Variants in PDE4D observed in about 807,000 individuals in gnomAD.
The protein encoded by PDE4D is 3',5'-cyclic-AMP phosphodiesterase 4D.
A neutral mutation model predicts 87.4 loss-of-function variants in PDE4D; 24 were observed. The ratio of observed to expected loss-of-function variants is 0.27; its 90% CI spans 0.20 to 0.39. PDE4D has a LOEUF of 0.39. Among genes scored for constraint, PDE4D ranks in the 10% least tolerant of loss-of-function variants. The pLI is 1.00. For synonymous variants in PDE4D, 384 were observed against 383.2 expected (o/e 1.00, Z -0.02); for missense variants, 714 against 1,041.0 (o/e 0.69, Z 4.32).
Position 58,989,900 on chromosome 5 carries a change from G to A in PDE4D, c.1307C>T (p.Thr436Ile). 1 of 1,534,718 alleles carries A rather than the reference G, an allele frequency of 6.5e-7. No individual in the cohort carries two copies. Among genetic ancestry groups the A allele is most frequent in the Non-Finnish European group, 8.9e-7 (1 of 1,117,602 alleles). Reference protein sequence around the residue: ...TIFQERDLLKTFKIPVDTLIT... With the variant: ...TIFQERDLLKIFKIPVDTLIT... ...TAAAGTATCTACTGGAATTTTAAAT[G>A]TTTTTAATAAATCCCGTTCCTGTAG... is the stretch of plus-strand genomic sequence containing the variant. The change falls in exon 10 of 15, where the codon ACA becomes ATA. Residue 436 changes from threonine (T) to isoleucine (I), a missense_variant. This residue lies in a region of PDE4D where 141 missense variants were observed against 204.3 expected (regional missense o/e 0.69). Coordinates refer to ENST00000340635, the MANE Select transcript of PDE4D (RefSeq NM_001104631.2).
At chr5:59,823,498 C>T (rs554606689) in intron 1 of PDE4D, among the ~76,000 whole-genome samples, 16 of 152,254 alleles carry the variant, frequency 1.1e-4, no homozygotes, top group Non-Finnish European at 2.1e-4. Flanking sequence ...CCTCTCCTTT[C>T]CCCCAGAGGC....
chr5:59,157,346 C>A (rs946695505), intron 5 of PDE4D: 7 of 702,402 alleles, frequency 1.0e-5, no homozygotes, highest in Non-Finnish European at 1.8e-5. Context: ...TATATGGGTT[C>A]AATTCCATCC....
intron 3 of PDE4D, among the ~76,000 whole-genome samples, chr5:59,973,113 T>C (rs1017904245): frequency 1.3e-5 from 2 of 152,164 alleles, no homozygotes; most frequent in Non-Finnish European, 2.9e-5. Context: ...AATCTACATA[T>C]AAAATATTCC....
chr5:59,776,574 C>T (rs537172353), intron 1 of PDE4D, among the ~76,000 whole-genome samples: 1 of 152,172 alleles, frequency 6.6e-6, no homozygotes, highest in African/African-American at 2.4e-5. Context: ...ACTTTTTTCC[C>T]TAACTAGGTA....
At chr5:59,111,544 A>T (rs1193414034) in intron 5 of PDE4D, among the ~76,000 whole-genome samples, 1 of 152,166 alleles carries the variant, frequency 6.6e-6, no homozygotes, top group East Asian at 1.9e-4. Flanking sequence ...TTCAGTTTAT[A>T]ACTAAGACAT....
chr5:60,156,984 A>C (rs1005451193), intron 2 of PDE4D, among the ~76,000 whole-genome samples: 1 of 152,178 alleles, frequency 6.6e-6, no homozygotes, highest in African/African-American at 2.4e-5. Flanking sequence ...TTTGTGCAGC[A>C]AAAGATATTT....
At chr5:59,081,056 T>C (rs747068048) in intron 5 of PDE4D, among the ~76,000 whole-genome samples, 3 of 152,180 alleles carry the variant, frequency 2.0e-5, no homozygotes, top group African/African-American at 4.8e-5. Context: ...ACATTATTGA[T>C]TATCATGATT....
chr5:60,106,558 T>G (rs1327513537), intron 2 of PDE4D, among the ~76,000 whole-genome samples: 1 of 151,816 alleles, frequency 6.6e-6, no homozygotes, highest in Admixed American at 6.6e-5. Flanking sequence ...AATATACATT[T>G]TTTTCAGCAC....
At chr5:59,014,986 G>A (rs1335223858) in intron 6 of PDE4D, among the ~76,000 whole-genome samples, 2 of 152,156 alleles carry the variant, frequency 1.3e-5, no homozygotes, top group African/African-American at 4.8e-5. Flanking sequence ...ACAACCATCT[G>A]ATCTTTGACA....
chr5:59,051,721 T>C (rs1761574685), intron 5 of PDE4D, among the ~76,000 whole-genome samples: 1 of 152,220 alleles, frequency 6.6e-6, no homozygotes, highest in South Asian at 2.1e-4. Flanking sequence ...GATTTTAGAA[T>C]GCATTTTTCA....
At chr5:60,488,374 C>A (rs1382619676), upstream of PDE4D, 1 of 151,912 alleles carries the variant, frequency 6.6e-6, no homozygotes, top group Non-Finnish European at 1.5e-5. Flanking sequence ...CGCTACGGGA[C>A]CCGAGCCGTC....
intron 1 of PDE4D, among the ~76,000 whole-genome samples, chr5:59,644,636 T>C (rs928274147): frequency 3.3e-5 from 5 of 152,232 alleles, no homozygotes; most frequent in African/African-American, 1.2e-4. Context: ...ATCACATTTA[T>C]TTCAGGCTTT....
At chr5:60,157,347 C>T (rs1443256838) in intron 2 of PDE4D, among the ~76,000 whole-genome samples, 2 of 152,206 alleles carry the variant, frequency 1.3e-5, no homozygotes, top group East Asian at 1.9e-4. Flanking sequence ...ATGCAGTGTT[C>T]TAGGTACAAG....
chr5:59,158,327 A>G (rs1383757748), intron 5 of PDE4D, among the ~76,000 whole-genome samples: 1 of 152,208 alleles, frequency 6.6e-6, no homozygotes, highest in Non-Finnish European at 1.5e-5. Flanking sequence ...GCTGCAGTCA[A>G]GCTGGAAAAG....
In PDE4D at chr5:59,893,680, C is replaced by T; in HGVS notation, c.-58G>A. On this transcript the variant is annotated 5_prime_UTR_variant, in exon 1 of 15. Transcript: ENST00000340635. ...CCCGGGTTCACCGCGCTGGCCCGAG[C>T]GCCTTCCTGATGCTGCTGCTGCTGC... 1 of 1,401,336 alleles carries T rather than the reference C, an allele frequency of 7.1e-7. No homozygotes were observed. Among genetic ancestry groups the T allele is most frequent in the Non-Finnish European group, 9.2e-7 (1 of 1,088,606 alleles). 86.8% of individuals were successfully genotyped at this position (1,401,336 alleles called of 1,614,324 possible). A position where few individuals can be genotyped will look rare whatever the true frequency, so the allele number is the denominator to read the frequency against.
intron 3 of PDE4D, among the ~76,000 whole-genome samples, chr5:59,985,538 C>T (rs1582046988): frequency 6.6e-6 from 1 of 152,148 alleles, no homozygotes; most frequent in East Asian, 1.9e-4. Context: ...GCAAATTGTT[C>T]TGGCTTCCAA....
chr5:59,012,717 C>A (rs1753080704), intron 6 of PDE4D, among the ~76,000 whole-genome samples: 1 of 152,128 alleles, frequency 6.6e-6, no homozygotes, highest in South Asian at 2.1e-4. Flanking sequence ...GACTTTAACA[C>A]CCCACTGTCA....
At position 60,318,468 on chromosome 5, in the gene PDE4D, C is replaced by T. The variant is rs184815136; in HGVS notation, c.-89-132781G>A. ...GCCAGTCTGTGTCTTTTAATTGAAGCAGTTAGCCCATTTACATTTAAGGTT... is the reference window on the plus strand; with the variant it reads ...GCCAGTCTGTGTCTTTTAATTGAAGTAGTTAGCCCATTTACATTTAAGGTT... On this transcript the variant is annotated intron_variant, in intron 1 of 16. Coordinates refer to the PDE4D transcript ENST00000502484. 5.2e-3 allele frequency among the ~76,000 whole-genome samples: 799 copies of T among 152,300 alleles called. 7 individuals are homozygous for T. Among genetic ancestry groups the T allele is most frequent in the African/African-American group, 0.018 (755 of 41,552 alleles).
At chr5:59,715,970 ATGTGTCAGACCTG>A (rs1437755428) in intron 1 of PDE4D, among the ~76,000 whole-genome samples, 1 of 152,146 alleles carries the variant, frequency 6.6e-6, no homozygotes, top group Non-Finnish European at 1.5e-5. Flanking sequence ...TTTAAGGCCT[ATGTGTCAGACCTG>A]TGTGTCCAGG....
Sources: allele counts gnomAD v4.1 joint callset (sites outside exome capture counted in the v4.1 genomes callset), GRCh38; gene constraint gnomAD v4.1.1; regional missense constraint gnomAD v4.1.1; transcripts MANE v1.5; gene names NCBI Gene and HGNC (gene_info 2026-07-23, HGNC 2026-07-21).